PIP5K1C: variants seen among roughly 807,000 people sequenced by gnomAD.
The protein encoded by PIP5K1C is phosphatidylinositol 4-phosphate 5-kinase type-1 gamma.
A neutral mutation model predicts 80.1 loss-of-function variants in PIP5K1C; 45 were observed. That is an observed-to-expected ratio of 0.56 (90% CI 0.44 to 0.72). The LOEUF is 0.72. Among genes scored for constraint, PIP5K1C ranks in the 30% least tolerant of loss-of-function variants. The pLI, the probability that PIP5K1C is intolerant of heterozygous loss-of-function variation, is 0.00. For missense variants in PIP5K1C, 753 were observed against 954.6 expected (o/e 0.79, Z 2.78); for synonymous variants, 498 against 420.1 (o/e 1.19, Z -2.27).
intron 1 of PIP5K1C, among the ~76,000 whole-genome samples, chr19:3,693,856 G>T (rs373143498): frequency 3.9e-5 from 6 of 151,980 alleles, no homozygotes; most frequent in Non-Finnish European, 8.8e-5. Flanking sequence ...TTGGGACCAA[G>T]GGTTCGAGAC....
At chr19:3,638,049 G>A (rs1394577574) in intron 16 of PIP5K1C, 9 of 1,471,020 alleles carry the variant, frequency 6.1e-6, no homozygotes, top group East Asian at 4.9e-5. Context: ...CAGCGAGGAG[G>A]TGCCCCCACA....
At position 3,700,457 on chromosome 19, in the gene PIP5K1C, A is replaced by G. The variant is rs2036266071; in HGVS notation, c.-67T>C. ...GAGCTGCGACCGCCGCCGCCGAACAACAAGCGCCGCCGGCCAAGGGAGGGC... is the reference window on the plus strand; with the variant it reads ...GAGCTGCGACCGCCGCCGCCGAACAGCAAGCGCCGCCGGCCAAGGGAGGGC... On this transcript the variant is annotated 5_prime_UTR_variant, in exon 1 of 18. Coordinates refer to ENST00000335312, the MANE Select transcript of PIP5K1C (RefSeq NM_012398.3). 1.2e-6 allele frequency: 1 copy of G among 847,444 alleles called. No individual in the cohort carries two copies. The allele number at this position is 847,444 out of a possible 1,614,324, so 52.5% of individuals were successfully genotyped here.
At chr19:3,699,303 G>C (rs1424547356) in intron 1 of PIP5K1C, among the ~76,000 whole-genome samples, 1 of 149,988 alleles carries the variant, frequency 6.7e-6, no homozygotes. Context: ...TGGCCGCCGG[G>C]AGGGAAGCCA....
intron 1 of PIP5K1C, among the ~76,000 whole-genome samples, chr19:3,676,495 G>A (rs926064682): frequency 6.6e-6 from 1 of 152,274 alleles, no homozygotes; most frequent in Admixed American, 6.5e-5. Context: ...GAAATAAAAG[G>A]CTGCACCATC....
At chr19:3,633,548 G>A in intron 16 of PIP5K1C, 28 bp from the exon 17 acceptor site, 1 of 1,449,566 alleles carries the variant, frequency 6.9e-7, no homozygotes, top group Non-Finnish European at 9.2e-7. Context: ...GTGCAGGAGG[G>A]CGCGGAAGAG....
chr19:3,650,988 T>G (rs1345109729), intron 8 of PIP5K1C, among the ~76,000 whole-genome samples: 1 of 151,384 alleles, frequency 6.6e-6, no homozygotes, highest in Non-Finnish European at 1.5e-5. Context: ...ACTCCTGACC[T>G]CAGATGATCC....
intron 16 of PIP5K1C, among the ~76,000 whole-genome samples, chr19:3,635,837 A>G (rs761453264): frequency 2.7e-5 from 4 of 149,244 alleles, no homozygotes; most frequent in Middle Eastern, 3.4e-3. Context: ...AAAATTAGCC[A>G]GGCATGATGG....
chr19:3,667,236 C>T (rs2035042038), intron 2 of PIP5K1C, 86 bp downstream of exon 2: 1 of 1,235,578 alleles, frequency 8.1e-7, no homozygotes, highest in South Asian at 1.3e-5. Context: ...TAGTGAGCTG[C>T]CCCAGGCCAC....
At chr19:3,643,464 C>T in intron 12 of PIP5K1C, 83 bp from the exon 13 acceptor site, 2 of 1,559,998 alleles carry the variant, frequency 1.3e-6, no homozygotes, top group Non-Finnish European at 1.7e-6. Context: ...CTTGGCTCAC[C>T]CTGGGAACCC....
At chr19:3,641,510 C>T (rs1388672579) in intron 15 of PIP5K1C, among the ~76,000 whole-genome samples, 195 bp downstream of exon 15, 2 of 152,182 alleles carry the variant, frequency 1.3e-5, no homozygotes, top group Admixed American at 1.3e-4. Flanking sequence ...CCCAGTGTCC[C>T]CTGGGGGCTA....
intron 2 of PIP5K1C, among the ~76,000 whole-genome samples, chr19:3,665,989 G>A (rs1317012421): frequency 1.3e-5 from 2 of 152,110 alleles, no homozygotes; most frequent in East Asian, 1.9e-4. Flanking sequence ...AGCCGACGCT[G>A]CTCAGCCATG....
intron 15 of PIP5K1C, among the ~76,000 whole-genome samples, chr19:3,639,879 G>A (rs1166544237): frequency 2.6e-5 from 4 of 152,140 alleles, no homozygotes; most frequent in African/African-American, 9.6e-5. Flanking sequence ...GGTGAGGAAC[G>A]GCCTTGGCCT....
intron 14 of PIP5K1C, among the ~76,000 whole-genome samples, chr19:3,642,227 G>A (rs1038695506): frequency 6.6e-6 from 1 of 152,224 alleles, no homozygotes; most frequent in African/African-American, 2.4e-5. Context: ...AGGGCACCAA[G>A]GGGTTTCTTT....
chr19:3,673,364 C>T (rs1005220696), intron 1 of PIP5K1C, among the ~76,000 whole-genome samples: 6 of 152,298 alleles, frequency 3.9e-5, no homozygotes, highest in African/African-American at 1.4e-4. Context: ...GCCCGGCACA[C>T]GGCACCACCT....
intron 6 of PIP5K1C, among the ~76,000 whole-genome samples, chr19:3,654,147 G>A (rs1426443853): frequency 3.3e-5 from 5 of 152,180 alleles, no homozygotes; most frequent in African/African-American, 4.8e-5. Flanking sequence ...GACTCCAGGC[G>A]TGAGCCCAGC....
At chr19:3,658,542 G>C (rs907467275) in intron 5 of PIP5K1C, among the ~76,000 whole-genome samples, 1 of 152,238 alleles carries the variant, frequency 6.6e-6, no homozygotes, top group Admixed American at 6.5e-5. Context: ...AGCGCAGAGC[G>C]AAGGCGGGTC....
chr19:3,664,726 G>T, intron 3 of PIP5K1C, 96 bp downstream of exon 3: 2 of 1,060,034 alleles, frequency 1.9e-6, no homozygotes, highest in Non-Finnish European at 1.5e-6. Flanking sequence ...CCTGGTTTGT[G>T]TCGGGGGCGA....
intron 1 of PIP5K1C, among the ~76,000 whole-genome samples, chr19:3,670,372 A>G (rs2035167651): frequency 6.6e-6 from 1 of 151,732 alleles, no homozygotes; most frequent in South Asian, 2.1e-4. Flanking sequence ...CTTATAAGAG[A>G]AGCCGCTCAG....
At chr19:3,663,469 T>C (rs535022445) in intron 3 of PIP5K1C, among the ~76,000 whole-genome samples, 11 of 151,742 alleles carry the variant, frequency 7.2e-5, no homozygotes, top group African/African-American at 2.2e-4. Context: ...AAAGATAACA[T>C]ACAAACGGCC....
Sources: allele counts gnomAD v4.1 joint callset (sites outside exome capture counted in the v4.1 genomes callset), GRCh38; gene constraint gnomAD v4.1.1; transcripts MANE v1.5; gene names NCBI Gene and HGNC (gene_info 2026-07-23, HGNC 2026-07-21).